Variants in TSC2 observed in about 807,000 individuals in gnomAD.
The protein encoded by TSC2 is tuberin.
In TSC2, 29 loss-of-function variants were observed where a neutral mutation model predicts 202.2. That is an observed-to-expected ratio of 0.14 (90% CI 0.11 to 0.20). TSC2 has a LOEUF of 0.20. Among genes scored for constraint, TSC2 ranks in the 10% least tolerant of loss-of-function variants. The pLI is 1.00. For synonymous variants in TSC2, 1,349 were observed against 1,044.0 expected (o/e 1.29, Z -5.63); for missense variants, 2,429 against 2,420.0 (o/e 1.00, Z -0.08).
At position 2,079,759 on chromosome 16, in the gene TSC2, G is replaced by A; in HGVS notation, c.3397+90G>A. The A allele has an allele frequency of 7.3e-7, 1 of 1,365,120 alleles. No individual in the cohort carries two copies. The highest frequency in any genetic ancestry group is 9.9e-7 in the Non-Finnish European group (1 of 1,010,362). 84.6% of individuals were successfully genotyped at this position (1,365,120 alleles called of 1,614,324 possible). ...GTGTTCAGGAAGGCCCCGAGCCCAG[G>A]GGCCGGGGTGGCTGGCTTCAGGCCC... On this transcript the variant is annotated intron_variant, in intron 29 of 41. Coordinates refer to ENST00000219476, the MANE Select transcript of TSC2 (RefSeq NM_000548.5). This position sits in a 1 kb window ranked among gnomAD's most constrained non-coding sequence, Gnocchi z 4.6.
rs2089742379 is a variant in TSC2 at position 2,078,769 on chromosome 16, G to A, written c.2967-263G>A. 5 of 544,402 alleles carry A rather than the reference G, an allele frequency of 9.2e-6. No homozygotes were observed. The East Asian group carries it at 9.6e-5, about 10-fold the overall frequency. The allele number at this position is 544,402 out of a possible 1,614,324, so 33.7% of individuals were successfully genotyped here. A position where few individuals can be genotyped will look rare whatever the true frequency, so the allele number is the denominator to read the frequency against. ...GTAACCTAGTGCTCCCGTGGGCTTCGGTGAGGGGGATGTCGGTCTCTAGCC... is the reference window on the plus strand; with the variant it reads ...GTAACCTAGTGCTCCCGTGGGCTTCAGTGAGGGGGATGTCGGTCTCTAGCC... On this transcript the variant is annotated intron_variant, in intron 26 of 41. Coordinates refer to ENST00000219476, the MANE Select transcript of TSC2 (RefSeq NM_000548.5).
At position 2,088,881 on chromosome 16, in the gene TSC2, G is replaced by GCGCACACA. The variant is rs142285430; in HGVS notation, c.*272_*273insGCACACAC. The GCGCACACA allele has an allele frequency of 0.023, 9,758 of 421,040 alleles. 226 individuals carry two copies. Among genetic ancestry groups the GCGCACACA allele is most frequent in the African/African-American group, 0.087 (3,897 of 44,560 alleles). 26.1% of individuals were successfully genotyped at this position (421,040 alleles called of 1,614,324 possible). ...ACAGCACACTCGCGCGTGCGCGCGC[G>GCGCACACA]CACACACACACACACACAGTCACCT... On this transcript the variant is annotated 3_prime_UTR_variant, in exon 42 of 42. Coordinates refer to ENST00000219476, the MANE Select transcript of TSC2 (RefSeq NM_000548.5).
At chr16:2,083,654 G>GCCCAGC in intron 32 of TSC2, 41 bp from the exon 33 acceptor site, 1 of 1,558,624 alleles carries the variant, frequency 6.4e-7, no homozygotes, top group Non-Finnish European at 8.7e-7. Context: ...CCAGGGCCTG[G>GCCCAGC]CCCAGCCCCA....
intron 19 of TSC2, 46 bp from the exon 20 acceptor site, chr16:2,072,195 C>G (rs776542245): frequency 1.2e-6 from 2 of 1,612,594 alleles, no homozygotes; most frequent in East Asian, 2.2e-5. Flanking sequence ...CCGCCTCTGT[C>G]TCTAGGGTCC....
chr16:2,066,548 G>A (rs1221372118), intron 16 of TSC2: 2 of 151,976 alleles, frequency 1.3e-5, no homozygotes, highest in Non-Finnish European at 2.9e-5. Flanking sequence ...TTGGGCCCTA[G>A]GTTTAGTCTG....
chr16:2,049,772 C>T (rs573043190), intron 2 of TSC2, among the ~76,000 whole-genome samples: 36 of 151,430 alleles, frequency 2.4e-4, no homozygotes, highest in African/African-American at 7.5e-4. Context: ...TTCAGTGAGC[C>T]GTGATCGCGC....
At chr16:2,064,716 C>T (rs558662737) in intron 15 of TSC2, 14 of 512,370 alleles carry the variant, frequency 2.7e-5, no homozygotes, top group East Asian at 2.0e-4. Flanking sequence ...GGGCTTTGGC[C>T]TGCCGTCCTC....
Position 2,064,399 on chromosome 16 carries a change from TCAA to T in TSC2, c.1574_1576del (p.Asn525del). 1 of 1,613,670 alleles carries T rather than the reference TCAA, an allele frequency of 6.2e-7. No homozygotes were observed. The highest frequency in any genetic ancestry group is 8.5e-7 in the Non-Finnish European group (1 of 1,180,012). ...GCAGAGGGCTGCCACACACACCACTTCAACAGCCTGCTGGACATCATCGAGAAG... is the reference window on the plus strand; with the variant it reads ...GCAGAGGGCTGCCACACACACCACTTCAGCCTGCTGGACATCATCGAGAAG... On this transcript the variant is annotated inframe_deletion, in exon 15 of 42. Coordinates refer to ENST00000219476, the MANE Select transcript of TSC2 (RefSeq NM_000548.5).
At chr16:2,078,076 C>T (rs533797545) in intron 26 of TSC2, among the ~76,000 whole-genome samples, 2 of 152,304 alleles carry the variant, frequency 1.3e-5, no homozygotes, top group African/African-American at 2.4e-5. Context: ...GGACGTTTTT[C>T]TTCGGGCTTT....
At position 2,088,074 on chromosome 16, in the gene TSC2, G is replaced by A. The variant is rs370864445; in HGVS notation, c.5095G>A (p.Val1699Met). Residue 1699 changes from valine (V) to methionine (M), a missense_variant, in exon 40 of 42, where the codon GTG becomes ATG. Transcript: ENST00000219476. ...KDMEGLVDTS[V>M]AKIVSDRNLP... Reference sequence around the variant, plus strand: ...CATGGAGGGCCTTGTGGACACCAGCGTGGCCAAGATCGTGTCTGACCGCAA... The same window carrying A: ...CATGGAGGGCCTTGTGGACACCAGCATGGCCAAGATCGTGTCTGACCGCAA... 23 of 1,612,770 alleles carry A rather than the reference G, an allele frequency of 1.4e-5. No homozygotes were observed. Among genetic ancestry groups the A allele is most frequent in the African/African-American group, 1.2e-4 (9 of 74,936 alleles).
intron 11 of TSC2, 151 bp from the exon 12 acceptor site, chr16:2,061,720 C>A: frequency 7.3e-7 from 1 of 1,361,480 alleles, no homozygotes. Context: ...GGAGCGGCCT[C>A]AGAGGGCTGG....
At chr16:2,069,402 C>T (rs529393745) in intron 16 of TSC2, among the ~76,000 whole-genome samples, 68 of 151,842 alleles carry the variant, frequency 4.5e-4, no homozygotes, top group East Asian at 1.7e-3. Context: ...CTGCAACCTC[C>T]GCCTCCTGGG....
intron 32 of TSC2, 74 bp downstream of exon 32, chr16:2,082,578 A>G (rs2090278546): frequency 1.9e-5 from 29 of 1,531,574 alleles, no homozygotes; most frequent in African/African-American, 2.7e-5. Flanking sequence ...TCGTCGCCTC[A>G]TCCGCCCACC....
In TSC2 at chr16:2,053,428, G is replaced by A. The variant is rs2151028507; in HGVS notation, c.312G>A (p.Leu104=). ...PLEARHAVLA[L]LKAIVQGQGE... ...AGGCCCGGCACGCGGTGCTGGCTCTGCTGAAGGCCATCGTGCAGGGGCAGG... is the reference window on the plus strand; with the variant it reads ...AGGCCCGGCACGCGGTGCTGGCTCTACTGAAGGCCATCGTGCAGGGGCAGG... Residue 104 remains leucine, a synonymous_variant, in exon 4 of 42, where the codon CTG becomes CTA. Transcript: ENST00000219476. The A allele has an allele frequency of 6.3e-7, 1 of 1,581,836 alleles. No individual in the cohort carries two copies. Among genetic ancestry groups the A allele is most frequent in the Non-Finnish European group, 8.6e-7 (1 of 1,164,654 alleles).
intron 25 of TSC2, 92 bp from the exon 26 acceptor site, chr16:2,077,506 G>T (rs1248862506): frequency 6.3e-7 from 1 of 1,587,936 alleles, no homozygotes; most frequent in Non-Finnish European, 8.6e-7. Flanking sequence ...CTGTGGCCTG[G>T]GACCTTTCCT....
intron 38 of TSC2, among the ~76,000 whole-genome samples, chr16:2,087,405 A>G (rs1390826810): frequency 6.7e-6 from 1 of 149,630 alleles, no homozygotes; most frequent in Non-Finnish European, 1.5e-5. Context: ...ACTGAACCAA[A>G]ACCCCGGGGC....
At chr16:2,087,053 A>G in intron 38 of TSC2, 182 bp downstream of exon 38, 2 of 909,828 alleles carry the variant, frequency 2.2e-6, no homozygotes, top group Non-Finnish European at 3.3e-6. Context: ...CTGTGCCCTG[A>G]AGCCTGTGGC....
intron 38 of TSC2, 52 bp downstream of exon 38, chr16:2,086,923 G>C: frequency 6.5e-7 from 1 of 1,550,084 alleles, no homozygotes; most frequent in Non-Finnish European, 8.7e-7. Flanking sequence ...GCCCACTGCT[G>C]TGTCCCGGGT....
chr16:2,076,598 G>A lies in TSC2; in HGVS notation c.2837+13G>A. On this transcript the variant is annotated intron_variant, in intron 25 of 41. Coordinates refer to ENST00000219476, the MANE Select transcript of TSC2 (RefSeq NM_000548.5). ...AGAGACCCAAGAGGTACGGCCTGCGGGGGTGTGCCTGGAGTCGGTGTGGGG... is the reference window on the plus strand; with the variant it reads ...AGAGACCCAAGAGGTACGGCCTGCGAGGGTGTGCCTGGAGTCGGTGTGGGG... 6.2e-7 allele frequency: 1 copy of A among 1,612,804 alleles called. No individual in the cohort carries two copies. The highest frequency in any genetic ancestry group is 8.5e-7 in the Non-Finnish European group (1 of 1,179,816).
Sources: gnomAD v4.1 joint callset for allele counts (sites outside exome capture counted in the v4.1 genomes callset) on GRCh38, gnomAD v4.1.1 for gene constraint, Gnocchi (gnomAD v3.1) non-coding constraint, MANE v1.5 for transcripts, NCBI Gene and HGNC (gene_info 2026-07-23, HGNC 2026-07-21) for gene names.